ZNF493: variants seen among roughly 807,000 people sequenced by gnomAD.
ZNF493 encodes the protein zinc finger protein 493.
A neutral mutation model predicts 12.2 loss-of-function variants in ZNF493; 11 were observed. The observed-to-expected ratio is 0.90, with a 90% CI of 0.57 to 1.50. ZNF493 has a LOEUF of 1.50. Ranked by LOEUF, ZNF493 falls within the 40% of genes most tolerant of loss-of-function variation. The pLI is 0.00. For missense variants in ZNF493, 950 were observed against 906.6 expected, an observed-to-expected ratio of 1.05 and a Z score of -0.61; for synonymous variants, 286 against 302.6, an observed-to-expected ratio of 0.95 and a Z score of 0.57.
At chr19:21,415,662 A>G (rs1283356824) in intron 3 of ZNF493, among the ~76,000 whole-genome samples, 2 of 152,232 alleles carry the variant, frequency 1.3e-5, no homozygotes, top group Non-Finnish European at 2.9e-5. Context: ...TTTTATGAGT[A>G]GGTCAATTAC....
Position 21,405,257 on chromosome 19 carries a change from T to C in ZNF493, c.157+2T>C, listed in dbSNP as rs1322120227. On this transcript the variant is annotated splice_donor_variant, in intron 2 of 3. Transcript: ENST00000392288. LOFTEE classifies it high-confidence loss of function. ...ACTACAGAAACCTGGTCTTCTTGGG[T>C]GAGAATAACTTTAATACAAAATCCC... 1 of 1,611,420 alleles carries C rather than the reference T, an allele frequency of 6.2e-7. No homozygotes were observed. Among genetic ancestry groups the C allele is most frequent in the East Asian group, 2.2e-5 (1 of 44,858 alleles).
chr19:21,406,346 G>A (rs1013055214), intron 3 of ZNF493, among the ~76,000 whole-genome samples: 1 of 147,940 alleles, frequency 6.8e-6, no homozygotes, highest in African/African-American at 2.5e-5. Flanking sequence ...GCATTTTTTT[G>A]TTTTTTTTTT....
rs141225668 is a variant in ZNF493, at chr19:21,424,420, C to T, written c.1761C>T (p.Thr587=). 3 of 1,613,062 alleles carry T rather than the reference C, an allele frequency of 1.9e-6. No individual in the cohort carries two copies. Among genetic ancestry groups the T allele is most frequent in the Non-Finnish European group, 2.5e-6 (3 of 1,179,626 alleles). The part of the protein sequence containing the change: ...ECGKSFSVFS[T]LTKHKIIHTD... ...GCAAATCCTTTAGTGTATTCTCAAC[C>T]CTTACTAAACACAAGATAATTCATA... The change falls in exon 4 of 4, where the codon ACC becomes ACT. Residue 587 remains threonine, a synonymous_variant. Coordinates refer to ENST00000392288, the MANE Select transcript of ZNF493 (RefSeq NM_001076678.3).
Position 21,424,172 on chromosome 19 carries a change from A to C in ZNF493, c.1513A>C (p.Ser505Arg). The C allele has an allele frequency of 6.2e-7, 1 of 1,613,630 alleles. No individual in the cohort carries two copies. Among genetic ancestry groups the C allele is most frequent in the East Asian group, 2.2e-5 (1 of 44,820 alleles). The stretch of plus-strand genomic sequence containing the variant: ...AGCTTTTAACCAATCTTCAACCCTT[A>C]GTATACATAAAATAATTCATACTGG... ...GKAFNQSSTL[S>R]IHKIIHTGEK... Residue 505 changes from serine to arginine, a missense_variant, in exon 4 of 4, where the codon AGT becomes CGT. Coordinates refer to ENST00000392288, the MANE Select transcript of ZNF493 (RefSeq NM_001076678.3).
At chr19:21,413,868 A>T (rs1907295806) in intron 3 of ZNF493, 1 of 163,210 alleles carries the variant, frequency 6.1e-6, no homozygotes. Flanking sequence ...TTTAAAGTTA[A>T]TAATGCTAGA....
chr19:21,425,010 T>C lies in ZNF493; in HGVS notation c.*26T>C, dbSNP rs910440758. 2 of 1,572,204 alleles carry C rather than the reference T, an allele frequency of 1.3e-6. No individual in the cohort carries two copies. The highest frequency in any genetic ancestry group is 1.4e-5 in the African/African-American group (1 of 73,004). ...AGAATGTGGCAAAGGCCTTTACTGC[T>C]CCTATTCCCTTACTAAAGAATGTGG... is the stretch of plus-strand genomic sequence containing the variant. On this transcript the variant is annotated 3_prime_UTR_variant, in exon 4 of 4. Transcript: ENST00000392288.
In ZNF493 at chr19:21,423,487, A is replaced by T. The variant is rs1434374642; in HGVS notation, c.828A>T (p.Gln276His). The T allele has an allele frequency of 6.2e-7, 1 of 1,613,504 alleles. No individual in the cohort carries two copies. Among genetic ancestry groups the T allele is most frequent in the Admixed American group, 1.7e-5 (1 of 59,968 alleles). Reference sequence around the variant, plus strand: ...AAGAATGTGGCACATCTTTCTACCAATTCTCATACCTTACTAGGCATAAGC... The same window carrying T: ...AAGAATGTGGCACATCTTTCTACCATTTCTCATACCTTACTAGGCATAAGC... ...KCEECGTSFYQFSYLTRHKLI... is the reference protein window; with the variant it reads ...KCEECGTSFYHFSYLTRHKLI... The change falls in exon 4 of 4, where the codon CAA becomes CAT. Residue 276 changes from glutamine (Q) to histidine (H), a missense_variant. Transcript: ENST00000392288.
At chr19:21,404,762 A>G (rs184707370) in intron 1 of ZNF493, among the ~76,000 whole-genome samples, 167 of 152,346 alleles carry the variant, frequency 1.1e-3, no homozygotes, top group Non-Finnish European at 2.1e-3. Flanking sequence ...GTTCACATTA[A>G]AACTTGAGAG....
intron 3 of ZNF493, among the ~76,000 whole-genome samples, chr19:21,410,559 ATTG>A (rs1211086628): frequency 2.0e-5 from 3 of 152,064 alleles, no homozygotes; most frequent in East Asian, 1.9e-4. Flanking sequence ...ATTTAGCTTT[ATTG>A]TTCAGTTTTA....
chr19:21,420,623 ATTTTTTTTTTTTTTTTTTTT>A (rs1164416201), intron 3 of ZNF493, among the ~76,000 whole-genome samples: 3 of 16,114 alleles, frequency 1.9e-4, no homozygotes, highest in African/African-American at 6.7e-4. Context: ...ATATATATAT[ATTTTTTTTTTTTTTTTTTTT>A]TTTTTTTTTT....
At chr19:21,405,907 TAAAAAAA>T (rs386388731) in intron 3 of ZNF493, 51 bp downstream of exon 3, 15 of 180,438 alleles carry the variant, frequency 8.3e-5, no homozygotes, top group South Asian at 3.2e-4. Context: ...TTGAAAGATT[TAAAAAAA>T]AAAAAAAAAA....
intron 3 of ZNF493, among the ~76,000 whole-genome samples, chr19:21,415,341 C>T (rs1021456458): frequency 3.3e-5 from 5 of 152,148 alleles, no homozygotes; most frequent in Non-Finnish European, 5.9e-5. Flanking sequence ...ACAGATTACT[C>T]ATGGCATAGG....
chr19:21,407,739 G>A (rs767338796), intron 3 of ZNF493: 20 of 982,158 alleles, frequency 2.0e-5, no homozygotes, highest in Non-Finnish European at 2.3e-5. Flanking sequence ...GGTTTTTTAT[G>A]TGTAAGATTA....
Position 21,425,805 on chromosome 19 carries a change from C to CA in ZNF493, c.*822dup. 5.3e-6 allele frequency: 3 copies of CA among 561,716 alleles called. No homozygotes were observed. The highest frequency in any genetic ancestry group is 1.0e-5 in the Non-Finnish European group (3 of 286,164). The allele number at this position is 561,716 out of a possible 1,614,324, so 34.8% of individuals were successfully genotyped here. On this transcript the variant is annotated 3_prime_UTR_variant, in exon 4 of 4. Transcript: ENST00000392288. ...TGAAGAATGTGGCAAAGCCTTTATC[C>CA]AGTCCTCAACTCCTAGTAAACATAA...
rs749161430 is a variant in ZNF493, at chr19:21,425,036, C to T, written c.*52C>T. The T allele has an allele frequency of 6.4e-6, 10 of 1,556,538 alleles. No individual in the cohort carries two copies. The highest frequency in any genetic ancestry group is 7.8e-6 in the Non-Finnish European group (9 of 1,151,892). On this transcript the variant is annotated 3_prime_UTR_variant, in exon 4 of 4. Coordinates refer to ENST00000392288, the MANE Select transcript of ZNF493 (RefSeq NM_001076678.3). ...CCTATTCCCTTACTAAAGAATGTGGCAAAGCTTTTCACCAGTACTTTACCC... is the reference window on the plus strand; with the variant it reads ...CCTATTCCCTTACTAAAGAATGTGGTAAAGCTTTTCACCAGTACTTTACCC...
intron 3 of ZNF493, among the ~76,000 whole-genome samples, chr19:21,409,586 T>G (rs1017581132): frequency 6.6e-6 from 1 of 152,010 alleles, no homozygotes; most frequent in Non-Finnish European, 1.5e-5. Context: ...TTTACAAAAA[T>G]TTTTTAAAAA....
intron 3 of ZNF493, chr19:21,411,988 T>C (rs1485181260): frequency 6.6e-6 from 1 of 152,140 alleles, no homozygotes; most frequent in Non-Finnish European, 1.5e-5. Flanking sequence ...GTTTAATTTC[T>C]ATGTATTTGT....
At position 21,397,253 on chromosome 19, in the gene ZNF493, G is replaced by C; in HGVS notation, c.16G>C (p.Glu6Gln). Residue 6 changes from glutamate to glutamine, a missense_variant, in exon 1 of 4, where the codon GAA becomes CAA. By Grantham distance (29) the Glu-to-Gln change is conservative. Coordinates refer to ENST00000392288, the MANE Select transcript of ZNF493 (RefSeq NM_001076678.3). Reference protein sequence around the residue: MPGPPESLDMGPLTFR... With the variant: MPGPPQSLDMGPLTFR... Reference sequence around the variant, plus strand: ...CATAGCTAAGATGCCAGGACCCCCTGAAAGCCTAGACATGGTGAGAGTGCT... The same window carrying C: ...CATAGCTAAGATGCCAGGACCCCCTCAAAGCCTAGACATGGTGAGAGTGCT... 1 of 1,614,256 alleles carries C rather than the reference G, an allele frequency of 6.2e-7. No homozygotes were observed. The highest frequency in any genetic ancestry group is 8.5e-7 in the Non-Finnish European group (1 of 1,180,044).
intron 3 of ZNF493, among the ~76,000 whole-genome samples, chr19:21,418,972 T>A (rs2030574708): frequency 6.6e-6 from 1 of 152,114 alleles, no homozygotes; most frequent in African/African-American, 2.4e-5. Flanking sequence ...TTATGGCCAG[T>A]TTTGGGGCCA....
Sources: allele counts gnomAD v4.1 joint callset (sites outside exome capture counted in the v4.1 genomes callset), GRCh38; gene constraint gnomAD v4.1.1; transcripts MANE v1.5; gene names NCBI Gene and HGNC (gene_info 2026-07-23, HGNC 2026-07-21).